DMAC2L: variants seen among roughly 807,000 people sequenced by gnomAD.
DMAC2L encodes the protein ATP synthase subunit s, mitochondrial.
DMAC2L carries 21 observed loss-of-function variants against 22.5 expected under a neutral mutation model. That is an observed-to-expected ratio of 0.93 (90% CI 0.66 to 1.34). The LOEUF (loss-of-function observed/expected upper bound fraction) is 1.34, where lower values mean the gene tolerates loss of function less well. Among genes scored for constraint, DMAC2L ranks in the 40% most tolerant of loss-of-function variants. The pLI, the probability that DMAC2L is intolerant of heterozygous loss-of-function variation, is 0.00. For missense variants in DMAC2L, 239 were observed against 246.5 expected (o/e 0.97, Z 0.20); for synonymous variants, 86 against 89.5 (o/e 0.96, Z 0.22).
chr14:50,314,753 T>C (rs2031616311), intron 2 of DMAC2L, 127 bp downstream of exon 2: 1 of 403,068 alleles, frequency 2.5e-6, no homozygotes, highest in Non-Finnish European at 5.0e-6. Flanking sequence ...GCAATTCTCC[T>C]GCCTCAGCCT....
At chr14:50,317,426 CTT>C (rs1046981643) in intron 2 of DMAC2L, among the ~76,000 whole-genome samples, 9 of 152,112 alleles carry the variant, frequency 5.9e-5, no homozygotes, top group Admixed American at 3.3e-4. Flanking sequence ...ATTTCTTTCT[CTT>C]GTCTGATTGC....
intron 2 of DMAC2L, among the ~76,000 whole-genome samples, chr14:50,315,413 C>T (rs1457301723): frequency 6.6e-6 from 1 of 151,446 alleles, no homozygotes; most frequent in Non-Finnish European, 1.5e-5. Context: ...CCTGTAATCC[C>T]AGCACTTTGG....
chr14:50,312,105 G>T (rs1450935825), upstream of DMAC2L: 1 of 1,608,618 alleles, frequency 6.2e-7, no homozygotes, highest in Non-Finnish European at 8.5e-7. Context: ...AAAAGCCCGC[G>T]GGCCCGTCCG....
At chr14:50,312,435 G>C (rs1235812492) in intron 1 of DMAC2L, 46 bp downstream of exon 1, 1 of 527,900 alleles carries the variant, frequency 1.9e-6, no homozygotes, top group Admixed American at 3.2e-5. Context: ...CTAGGGTGGT[G>C]GTTGTGTTCT....
chr14:50,322,980 T>G, intron 4 of DMAC2L: 1 of 1,352,750 alleles, frequency 7.4e-7, no homozygotes, highest in Non-Finnish European at 9.5e-7. Flanking sequence ...AGGGCCTTGT[T>G]TGTCAAACTA....
chr14:50,312,385 ACG>A lies in DMAC2L; in HGVS notation c.-44_-43del, dbSNP rs1255609198. 1 of 570,706 alleles carries A rather than the reference ACG, an allele frequency of 1.8e-6. No individual in the cohort carries two copies. The highest frequency in any genetic ancestry group is 3.1e-5 in the Admixed American group (1 of 32,148). 35.4% of individuals were successfully genotyped at this position (570,706 alleles called of 1,614,324 possible). The stretch of plus-strand genomic sequence containing the variant: ...CTCGCTCCCTCCCTCCCTCCCTCCG[ACG>A]CTGTGAGTAGAGAAGCTAGGCCCCG... On this transcript the variant is annotated splice_region_variant and 5_prime_UTR_variant, in exon 1 of 6. Transcript: ENST00000557421.
intron 1 of DMAC2L, among the ~76,000 whole-genome samples, chr14:50,314,263 G>A (rs910370439): frequency 6.6e-6 from 1 of 152,218 alleles, no homozygotes; most frequent in African/African-American, 2.4e-5. Context: ...CACAAGATGT[G>A]ATGGTTTTAA....
chr14:50,324,957 G>A (rs915502724), intron 5 of DMAC2L, among the ~76,000 whole-genome samples: 1 of 152,146 alleles, frequency 6.6e-6, no homozygotes, highest in African/African-American at 2.4e-5. Flanking sequence ...TGTATTTTCA[G>A]TAGAGATGGG....
chr14:50,321,447 T>A (rs1566558690), intron 2 of DMAC2L, 36 bp from the exon 3 acceptor site: 5 of 1,611,736 alleles, frequency 3.1e-6, no homozygotes, highest in Non-Finnish European at 4.2e-6. Flanking sequence ...GGGACTCGGA[T>A]GATGATCTAA....
intron 4 of DMAC2L, 141 bp downstream of exon 4, chr14:50,322,860 G>C (rs8017316): frequency 0.57 from 840,190 of 1,481,686 alleles, 239,088 homozygotes; most frequent in East Asian, 0.61. Flanking sequence ...TCCTGTGTTT[G>C]ATATTTATTT....
In DMAC2L at chr14:50,321,544, G is replaced by T. The variant is rs1269350332; in HGVS notation, c.57G>T (p.Trp19Cys). ...QQLCGVKKLPWSCDSRYFWGW... is the reference protein window; with the variant it reads ...QQLCGVKKLPCSCDSRYFWGW... ...TGTGTGGCGTAAAGAAACTCCCATG[G>T]TCATGTGACTCCAGATACTTCTGGG... is the stretch of plus-strand genomic sequence containing the variant. The change falls in exon 3 of 6, where the codon TGG (tryptophan) becomes TGT (cysteine). Residue 19 changes from tryptophan (W) to cysteine (C), a missense_variant. By Grantham distance (215) the Trp-to-Cys change is radical (BLOSUM62 -2). Transcript: ENST00000557421. 1.9e-6 allele frequency: 3 copies of T among 1,613,976 alleles called. No individual in the cohort carries two copies. In the South Asian group the frequency reaches 3.3e-5, roughly 18 times the overall value.
At chr14:50,311,934 A>T (rs1032818300), upstream of DMAC2L, 5 of 1,523,242 alleles carry the variant, frequency 3.3e-6, no homozygotes, top group Admixed American at 3.9e-5. Context: ...AAATACGAAC[A>T]GGGGCACAGG....
chr14:50,317,180 G>T (rs4505229), intron 2 of DMAC2L, among the ~76,000 whole-genome samples: 88,352 of 151,066 alleles, frequency 0.58, 25,877 homozygotes, highest in East Asian at 0.76. Flanking sequence ...AGTTTTTTTT[G>T]TGTGTGTGGC....
At chr14:50,316,923 T>C (rs1449597383) in intron 2 of DMAC2L, among the ~76,000 whole-genome samples, 1 of 152,192 alleles carries the variant, frequency 6.6e-6, no homozygotes, top group Non-Finnish European at 1.5e-5. Context: ...TTTCTAGTTC[T>C]CTGAAGAATG....
At chr14:50,320,568 A>G (rs2032183516) in intron 2 of DMAC2L, among the ~76,000 whole-genome samples, 3 of 152,198 alleles carry the variant, frequency 2.0e-5, no homozygotes, top group African/African-American at 7.2e-5. Context: ...AATCTGGCAT[A>G]ATTTTTCCTG....
intron 2 of DMAC2L, among the ~76,000 whole-genome samples, chr14:50,315,532 T>C (rs1170720100): frequency 6.6e-6 from 1 of 151,158 alleles, no homozygotes; most frequent in African/African-American, 2.4e-5. Flanking sequence ...CGTGGTGGCA[T>C]ATGCCTGTAA....
chr14:50,319,612 T>A (rs2139295626), intron 2 of DMAC2L, among the ~76,000 whole-genome samples: 1 of 152,326 alleles, frequency 6.6e-6, no homozygotes, highest in East Asian at 1.9e-4. Flanking sequence ...TATCAGGGCT[T>A]CAGTTTCCTC....
intron 2 of DMAC2L, among the ~76,000 whole-genome samples, chr14:50,315,461 A>G (rs1481846967): frequency 6.6e-6 from 1 of 151,164 alleles, no homozygotes; most frequent in Non-Finnish European, 1.5e-5. Context: ...CAGGAGATTG[A>G]GACCATCTTG....
Position 50,322,808 on chromosome 14 carries a change from T to C in DMAC2L, c.316+89T>C. 3 of 1,579,398 alleles carry C rather than the reference T, an allele frequency of 1.9e-6. No individual in the cohort carries two copies. The South Asian group carries it at 3.4e-5, about 18-fold the overall frequency. ...GTTGACTCACGATTATAGTCATAGG[T>C]ATGTCCTTTTTGCCCATTTCATTAT... On this transcript the variant is annotated intron_variant, in intron 4 of 5. Transcript: ENST00000557421.
Sources: gnomAD v4.1 joint callset for allele counts (sites outside exome capture counted in the v4.1 genomes callset) on GRCh38, gnomAD v4.1.1 for gene constraint, MANE v1.5 for transcripts, NCBI Gene and HGNC (gene_info 2026-07-23, HGNC 2026-07-21) for gene names.